The following TRPS1 variants were observed in gnomAD, a reference collection of about 807,000 sequenced individuals.
TRPS1 encodes the protein transcriptional repressor GATA binding 1, also known as zinc finger transcription factor Trps1.
TRPS1 carries 6 observed loss-of-function variants against 101.2 expected under a neutral mutation model. The ratio of observed to expected loss-of-function variants is 0.06; its 90% confidence interval spans 0.03 to 0.12. TRPS1 has a LOEUF of 0.12. Among genes scored for constraint, TRPS1 ranks in the 10% least tolerant of loss-of-function variants. The probability of loss-of-function intolerance (pLI) is 1.00; values close to 1 mark genes in which losing one functional copy is unlikely to be tolerated. For synonymous variants in TRPS1, 578 were observed against 589.8 expected, an observed-to-expected ratio of 0.98 and a Z score of 0.29; for missense variants, 1,363 against 1,567.0, an observed-to-expected ratio of 0.87 and a Z score of 2.20.
At position 115,604,725 on chromosome 8, in the gene TRPS1, G is replaced by A. The variant is rs1198016805; in HGVS notation, c.1244C>T (p.Thr415Ile). 5 of 1,613,732 alleles carry A rather than the reference G, an allele frequency of 3.1e-6. No individual in the cohort carries two copies. Among genetic ancestry groups the A allele is most frequent in the Admixed American group, 3.3e-5 (2 of 59,932 alleles). ...AGGAGTGTCATCTCCTGCTTTGACT[G>A]TTATCTTGTCCTGCCATTTTCCCAA... ...GDLGKWQDKI[T>I]VKAGDDTPVG... is the part of the protein sequence containing the mutation. Residue 415 changes from threonine to isoleucine, a missense_variant, in exon 4 of 7, where the codon ACA (threonine) becomes ATA (isoleucine). This residue lies in a region of TRPS1 where 1,020 missense variants were observed against 1,073.0 expected (regional missense o/e 0.95). Transcript: ENST00000395715. The surrounding 1 kb of genome is among the most constrained non-coding windows in gnomAD (Gnocchi z 4.1).
chr8:115,458,726 C>A (rs1419561603), intron 5 of TRPS1, among the ~76,000 whole-genome samples: 1 of 152,180 alleles, frequency 6.6e-6, no homozygotes, highest in African/African-American at 2.4e-5. Context: ...ACAGAATCAG[C>A]ATGGCAGGCT....
intron 5 of TRPS1, among the ~76,000 whole-genome samples, chr8:115,441,898 A>AGAGAGAGAGTGT (rs1554620719): frequency 9.5e-5 from 11 of 116,190 alleles, no homozygotes; most frequent in South Asian, 9.4e-4. Flanking sequence ...AGAGAGAGAG[A>AGAGAGAGAGTGT]GTGTGTGTGT....
chr8:115,501,805 C>T (rs1815326405), intron 5 of TRPS1, among the ~76,000 whole-genome samples: 1 of 152,158 alleles, frequency 6.6e-6, no homozygotes, highest in Non-Finnish European at 1.5e-5. Context: ...TTCTATGAAA[C>T]CCACCCCTAT....
At position 115,412,439 on chromosome 8, in the gene TRPS1, T is replaced by C. The variant is rs1271421113; in HGVS notation, c.*1584A>G. The C allele has an allele frequency of 6.6e-6, 1 of 152,582 alleles. No homozygotes were observed. Among genetic ancestry groups the C allele is most frequent in the Non-Finnish European group, 1.5e-5 (1 of 68,000 alleles). 9.5% of individuals were successfully genotyped at this position (152,582 alleles called of 1,614,324 possible). On this transcript the variant is annotated 3_prime_UTR_variant, in exon 7 of 7. Coordinates refer to ENST00000395715, the MANE Select transcript of TRPS1 (RefSeq NM_014112.5). Reference sequence around the variant, plus strand: ...CAGAGCCAGAACTGACTCTAATGCATGATGGAATATCTTTGTTGCATACGT... The same window carrying C: ...CAGAGCCAGAACTGACTCTAATGCACGATGGAATATCTTTGTTGCATACGT...
At chr8:115,502,245 T>G (rs892754725) in intron 5 of TRPS1, among the ~76,000 whole-genome samples, 1 of 152,104 alleles carries the variant, frequency 6.6e-6, no homozygotes, top group African/African-American at 2.4e-5. Flanking sequence ...ACAGTTTTGG[T>G]TTTCTTAAGT....
intron 5 of TRPS1, among the ~76,000 whole-genome samples, chr8:115,463,092 G>C (rs1814228230): frequency 6.6e-6 from 1 of 152,154 alleles, no homozygotes; most frequent in African/African-American, 2.4e-5. Flanking sequence ...AACTTTGTGA[G>C]AGCTGAAAAA....
chr8:115,449,956 A>AACACACACACACACACAC lies in TRPS1; in HGVS notation c.2701-31522_2701-31505dup, dbSNP rs61176190. On this transcript the variant is annotated intron_variant, in intron 5 of 6. Transcript: ENST00000395715. ...GAGATGCCAAAGTAATATGTGATTT[A>AACACACACACACACACAC]ACACACACACACACACACACACACA... is the stretch of plus-strand genomic sequence containing the variant. Among the ~76,000 whole-genome samples, 150 of 147,014 alleles carry AACACACACACACACACAC rather than the reference A, an allele frequency of 1.0e-3. 1 individual carries two copies. The highest frequency in any genetic ancestry group is 3.7e-3 in the African/African-American group (148 of 39,562).
At chr8:115,583,277 A>G (rs2130433219) in intron 5 of TRPS1, among the ~76,000 whole-genome samples, 1 of 152,172 alleles carries the variant, frequency 6.6e-6, no homozygotes, top group East Asian at 1.9e-4. Context: ...TCATAAAAAA[A>G]AAACTTGTCA....
chr8:115,499,605 T>C (rs1285818061), intron 5 of TRPS1, among the ~76,000 whole-genome samples: 1 of 152,186 alleles, frequency 6.6e-6, no homozygotes, highest in Non-Finnish European at 1.5e-5. Context: ...ACAAGAACAT[T>C]AGAGCCCTAA....
chr8:115,516,803 C>T (rs1413953909), intron 5 of TRPS1, among the ~76,000 whole-genome samples: 1 of 151,508 alleles, frequency 6.6e-6, no homozygotes, highest in Admixed American at 6.6e-5. Flanking sequence ...CAGACTAAAA[C>T]ACCGTTAAGC....
At chr8:115,627,037 C>A (rs912491161) in intron 1 of TRPS1, among the ~76,000 whole-genome samples, 1 of 151,456 alleles carries the variant, frequency 6.6e-6, no homozygotes, top group African/African-American at 2.4e-5. Flanking sequence ...ACAAAACTTT[C>A]TTTTTTCAAA....
intron 5 of TRPS1, among the ~76,000 whole-genome samples, chr8:115,489,584 C>T (rs1262346011): frequency 6.6e-6 from 1 of 151,942 alleles, no homozygotes; most frequent in Non-Finnish European, 1.5e-5. Flanking sequence ...ATCAAAAGAT[C>T]ATGAATTATA....
intron 5 of TRPS1, among the ~76,000 whole-genome samples, chr8:115,473,678 A>C (rs1243485439): frequency 1.3e-5 from 2 of 152,242 alleles, no homozygotes; most frequent in Admixed American, 6.5e-5. Context: ...CAAATGGCTT[A>C]TGCTTATTTC....
At chr8:115,447,322 T>C (rs907670538) in intron 5 of TRPS1, among the ~76,000 whole-genome samples, 1 of 152,178 alleles carries the variant, frequency 6.6e-6, no homozygotes, top group African/African-American at 2.4e-5. Context: ...TTAAAAGTAA[T>C]AAAATTTCAT....
intron 5 of TRPS1, among the ~76,000 whole-genome samples, chr8:115,524,831 G>A (rs2178946): frequency 0.61 from 93,440 of 151,982 alleles, 29,192 homozygotes; most frequent in East Asian, 0.84. Flanking sequence ...TCTTAGTATC[G>A]ATCAACATAA....
chr8:115,452,664 C>T (rs912606827), intron 5 of TRPS1, among the ~76,000 whole-genome samples: 4 of 152,098 alleles, frequency 2.6e-5, no homozygotes, highest in African/African-American at 9.7e-5. Context: ...AAGGAACTTC[C>T]AAGTACCGCA....
intron 4 of TRPS1, among the ~76,000 whole-genome samples, chr8:115,600,150 T>C (rs1476516571): frequency 6.6e-6 from 1 of 152,248 alleles, no homozygotes; most frequent in African/African-American, 2.4e-5. Flanking sequence ...GCGAAGTGCC[T>C]GTTCATATAG....
intron 5 of TRPS1, among the ~76,000 whole-genome samples, chr8:115,422,329 C>A (rs1245831877): frequency 2.0e-5 from 3 of 151,870 alleles, no homozygotes; most frequent in Non-Finnish European, 2.9e-5. Flanking sequence ...ATATAGAAGA[C>A]ACATTCAAGA....
At chr8:115,433,731 A>T (rs1328089228) in intron 5 of TRPS1, among the ~76,000 whole-genome samples, 1 of 152,138 alleles carries the variant, frequency 6.6e-6, no homozygotes, top group African/African-American at 2.4e-5. Flanking sequence ...GCCATTGTTA[A>T]TTTCAATTAC....
Sources: allele counts gnomAD v4.1 joint callset (sites outside exome capture counted in the v4.1 genomes callset), GRCh38; gene constraint gnomAD v4.1.1; regional missense constraint gnomAD v4.1.1; non-coding constraint Gnocchi (gnomAD v3.1); transcripts MANE v1.5; gene names NCBI Gene and HGNC (gene_info 2026-07-23, HGNC 2026-07-21).